The following CDK14 variants were observed in gnomAD, a reference collection of about 807,000 sequenced individuals.
The protein encoded by CDK14 is cyclin dependent kinase 14.
CDK14 carries 34 observed loss-of-function variants against 60.7 expected under a neutral mutation model. That is an observed-to-expected ratio of 0.56 (90% CI 0.43 to 0.75). The LOEUF is 0.75. CDK14 is among the 30% of genes least tolerant of loss of function. CDK14 has a pLI of 0.00. For synonymous variants in CDK14, 197 were observed against 203.7 expected, an observed-to-expected ratio of 0.97 and a Z score of 0.28; for missense variants, 482 against 564.1, an observed-to-expected ratio of 0.85 and a Z score of 1.47.
At chr7:90,655,994 C>T (rs1217858656) in intron 2 of CDK14, among the ~76,000 whole-genome samples, 6 of 152,168 alleles carry the variant, frequency 3.9e-5, no homozygotes, top group Non-Finnish European at 8.8e-5. Flanking sequence ...CCTGTCTCTG[C>T]AGCCTGGGGA....
chr7:91,003,172 G>A (rs1358309171), intron 10 of CDK14, among the ~76,000 whole-genome samples: 1 of 152,094 alleles, frequency 6.6e-6, no homozygotes, highest in African/African-American at 2.4e-5. Flanking sequence ...TCCTATTTCA[G>A]TGAATGGCAG....
At chr7:90,977,506 C>T (rs867422229) in intron 9 of CDK14, among the ~76,000 whole-genome samples, 1 of 151,926 alleles carries the variant, frequency 6.6e-6, no homozygotes, top group Non-Finnish European at 1.5e-5. Flanking sequence ...TCCTGAGAAA[C>T]GAACTCAGAT....
intron 12 of CDK14, among the ~76,000 whole-genome samples, chr7:91,091,532 G>A (rs1443017078): frequency 1.1e-5 from 1 of 90,814 alleles, no homozygotes; most frequent in Non-Finnish European, 2.1e-5. Context: ...AGCCAGGCAT[G>A]GTGGCATATG....
chr7:90,691,428 A>G (rs1801550514), intron 2 of CDK14, among the ~76,000 whole-genome samples: 1 of 152,168 alleles, frequency 6.6e-6, no homozygotes, highest in African/African-American at 2.4e-5. Context: ...GAAGTGACCC[A>G]TGAGGCTGCA....
intron 11 of CDK14, among the ~76,000 whole-genome samples, chr7:91,046,395 G>GT (rs1396707386): frequency 6.6e-6 from 1 of 152,088 alleles, no homozygotes; most frequent in Non-Finnish European, 1.5e-5. Context: ...TATAATTTGA[G>GT]TTTAAACATG....
chr7:91,003,295 A>C (rs11772259), intron 10 of CDK14, among the ~76,000 whole-genome samples: 23,825 of 151,912 alleles, frequency 0.16, 1,975 homozygotes, highest in Non-Finnish European at 0.18. Flanking sequence ...TTTCCACCAT[A>C]CTAGTCCTAG....
chr7:90,641,649 G>A (rs1800336693), intron 2 of CDK14, among the ~76,000 whole-genome samples: 1 of 119,496 alleles, frequency 8.4e-6, no homozygotes, highest in Non-Finnish European at 1.9e-5. Context: ...GAGATGATGG[G>A]GTGGGGTGGG....
intron 3 of CDK14, among the ~76,000 whole-genome samples, chr7:90,727,939 T>G (rs1406469693): frequency 6.6e-6 from 1 of 152,166 alleles, no homozygotes; most frequent in Non-Finnish European, 1.5e-5. Context: ...TGTTTTAAAG[T>G]ACATCCTCGC....
chr7:90,787,768 T>G (rs1009745358), intron 4 of CDK14, among the ~76,000 whole-genome samples: 1 of 152,196 alleles, frequency 6.6e-6, no homozygotes, highest in Non-Finnish European at 1.5e-5. Flanking sequence ...TGATCATAAC[T>G]TATTAAAAAC....
At chr7:90,650,582 T>C (rs1178952779) in intron 2 of CDK14, among the ~76,000 whole-genome samples, 1 of 152,228 alleles carries the variant, frequency 6.6e-6, no homozygotes, top group African/African-American at 2.4e-5. Flanking sequence ...AGGGTTTTTA[T>C]GGTTTTAGGT....
At chr7:91,161,503 A>C (rs540768489) in intron 14 of CDK14, among the ~76,000 whole-genome samples, 2 of 152,358 alleles carry the variant, frequency 1.3e-5, no homozygotes, top group South Asian at 4.1e-4. Context: ...GAAATAATGT[A>C]ATATTTTGAT....
intron 2 of CDK14, among the ~76,000 whole-genome samples, chr7:90,682,620 T>G (rs1457069493): frequency 6.6e-6 from 1 of 152,220 alleles, no homozygotes; most frequent in Non-Finnish European, 1.5e-5. Flanking sequence ...ATACTTATTA[T>G]CTTTTATATG....
intron 14 of CDK14, among the ~76,000 whole-genome samples, chr7:91,144,959 T>A (rs1289166771): frequency 1.3e-5 from 2 of 152,210 alleles, no homozygotes; most frequent in African/African-American, 2.4e-5. Flanking sequence ...GGGAGACTGT[T>A]CCTTCCTAAG....
intron 7 of CDK14, among the ~76,000 whole-genome samples, chr7:90,916,534 A>G (rs1229947520): frequency 2.0e-5 from 3 of 152,172 alleles, no homozygotes; most frequent in African/African-American, 7.2e-5. Flanking sequence ...GCCACTGTCC[A>G]GGGCCCTCAG....
chr7:90,831,287 G>A (rs1039065347), intron 5 of CDK14, among the ~76,000 whole-genome samples: 3 of 152,176 alleles, frequency 2.0e-5, no homozygotes, highest in African/African-American at 7.2e-5. Context: ...AAGGTGAAGG[G>A]GAAGCACGAC....
chr7:91,183,099 T>C (rs557995689), intron 14 of CDK14, among the ~76,000 whole-genome samples: 1 of 151,194 alleles, frequency 6.6e-6, no homozygotes, highest in East Asian at 1.9e-4. Flanking sequence ...CTAAAAAAAG[T>C]AATTAAGAAA....
At chr7:90,928,348 G>T (rs528566083) in intron 8 of CDK14, among the ~76,000 whole-genome samples, 122 of 152,274 alleles carry the variant, frequency 8.0e-4, no homozygotes, top group African/African-American at 2.7e-3. Flanking sequence ...CCCCATCTGT[G>T]TGGTTTTATC....
rs111891359 is a variant in CDK14 at position 91,105,365 on chromosome 7, C to T, written c.1155-7177C>T. 9.7e-3 allele frequency among the ~76,000 whole-genome samples: 1,481 copies of T among 152,312 alleles called. 20 individuals are homozygous for T. The highest frequency in any genetic ancestry group is 0.032 in the African/African-American group (1,345 of 41,558). The stretch of plus-strand genomic sequence containing the variant: ...AATGTAATTCAGCCCCAGTAATGGA[C>T]TCAGAAATAACTGCTTCCAACAAAG... On this transcript the variant is annotated intron_variant, in intron 12 of 14. Coordinates refer to ENST00000380050, the MANE Select transcript of CDK14 (RefSeq NM_001287135.2).
chr7:91,200,814 T>C (rs1248037002), intron 14 of CDK14, among the ~76,000 whole-genome samples: 2 of 152,156 alleles, frequency 1.3e-5, no homozygotes, highest in East Asian at 3.9e-4. Context: ...ATAGGCTAAA[T>C]GTGAAAAATT....
Sources: allele counts gnomAD v4.1 joint callset (sites outside exome capture counted in the v4.1 genomes callset), GRCh38; gene constraint gnomAD v4.1.1; transcripts MANE v1.5; gene names NCBI Gene and HGNC (gene_info 2026-07-23, HGNC 2026-07-21).